Variants in PCDH11Y observed in about 807,000 individuals in gnomAD.
PCDH11Y encodes protocadherin 11 Y-linked.
For synonymous variants in PCDH11Y, 9 were observed against 83.6 expected (o/e 0.11, Z 4.87); for missense variants, 12 against 224.8 (o/e 0.05, Z 6.05).
At chrY:5,155,004 G>A in intron 2 of PCDH11Y, among the ~76,000 whole-genome samples, 2 of 32,770 alleles carry the variant, frequency 6.1e-5, no homozygotes, top group African/African-American at 2.4e-4. Context: ...CAAAGGATAT[G>A]TGGACACTGA....
At chrY:5,017,034 C>G in intron 1 of PCDH11Y, among the ~76,000 whole-genome samples, 1 of 33,289 alleles carries the variant, frequency 3.0e-5, no homozygotes, top group Non-Finnish European at 7.5e-5. Flanking sequence ...AGCAAACATA[C>G]CTTTAAAGGT....
chrY:5,151,118 G>T, intron 2 of PCDH11Y, among the ~76,000 whole-genome samples: 2 of 33,784 alleles, frequency 5.9e-5, no homozygotes, highest in Non-Finnish European at 1.5e-4. Context: ...GAGCTTTCAT[G>T]TCCAAATCTT....
At chrY:5,446,463 A>T in intron 2 of PCDH11Y, among the ~76,000 whole-genome samples, 2 of 34,046 alleles carry the variant, frequency 5.9e-5, no homozygotes, top group African/African-American at 2.3e-4. Context: ...GGGCAGCTAC[A>T]TTTGTAACAA....
At chrY:5,331,148 G>C in intron 2 of PCDH11Y, among the ~76,000 whole-genome samples, 1 of 33,081 alleles carries the variant, frequency 3.0e-5, no homozygotes, top group Non-Finnish European at 7.5e-5. Flanking sequence ...ACTTCCTACT[G>C]GGAAAAATTT....
chrY:5,571,626 A>G (rs2053439372), intron 3 of PCDH11Y, among the ~76,000 whole-genome samples: 1 of 22,289 alleles, frequency 4.5e-5, no homozygotes, highest in Non-Finnish European at 1.0e-4. Context: ...ACATACAGAA[A>G]GAGAAAATAT....
intron 2 of PCDH11Y, among the ~76,000 whole-genome samples, chrY:5,334,696 A>C: frequency 3.0e-5 from 1 of 33,567 alleles, no homozygotes; most frequent in Non-Finnish European, 7.4e-5. Flanking sequence ...TAGAAGGTCT[A>C]TGAAAGTTCC....
At chrY:5,472,156 C>A (rs2053314518) in intron 2 of PCDH11Y, among the ~76,000 whole-genome samples, 1 of 32,253 alleles carries the variant, frequency 3.1e-5, no homozygotes, top group Non-Finnish European at 7.7e-5. Context: ...TAGATATCAT[C>A]AAAAAGTGCT....
downstream of PCDH11Y, among the ~76,000 whole-genome samples, chrY:5,106,565 A>G: frequency 3.4e-5 from 1 of 29,638 alleles, no homozygotes; most frequent in African/African-American, 1.3e-4. Flanking sequence ...TTGTTTAAAC[A>G]TTACTTAGTT....
At chrY:5,183,843 T>C in intron 2 of PCDH11Y, among the ~76,000 whole-genome samples, 1 of 27,002 alleles carries the variant, frequency 3.7e-5, no homozygotes, top group Admixed American at 3.4e-4. Flanking sequence ...ACAAAATTGT[T>C]TATAATAAAG....
At chrY:5,494,155 C>T in intron 2 of PCDH11Y, among the ~76,000 whole-genome samples, 15 of 33,334 alleles carry the variant, frequency 4.5e-4, no homozygotes, top group Admixed American at 1.1e-3. Context: ...TTCATTGAAA[C>T]CATTGTCTAT....
intron 3 of PCDH11Y, among the ~76,000 whole-genome samples, chrY:5,039,140 G>C: frequency 6.2e-5 from 2 of 32,505 alleles, no homozygotes; most frequent in African/African-American, 2.4e-4. Flanking sequence ...CACAGCAAGA[G>C]GTACTATATT....
At chrY:5,029,800 G>A in intron 1 of PCDH11Y, among the ~76,000 whole-genome samples, 1 of 28,992 alleles carries the variant, frequency 3.4e-5, no homozygotes, top group Non-Finnish European at 8.0e-5. Context: ...ACGGGTGCCT[G>A]TAATCCAAGC....
chrY:5,080,535 C>T, intron 1 of PCDH11Y, among the ~76,000 whole-genome samples: 4 of 32,621 alleles, frequency 1.2e-4, no homozygotes, highest in Admixed American at 1.1e-3. Context: ...TGGCCGGAAT[C>T]TGTATTTTGT....
chrY:5,320,968 T>C (rs2053112029), intron 2 of PCDH11Y, among the ~76,000 whole-genome samples: 1 of 32,886 alleles, frequency 3.0e-5, no homozygotes, highest in African/African-American at 1.2e-4. Flanking sequence ...AGTTTATATA[T>C]AGTTTAGGGG....
chrY:5,034,620 C>T, intron 3 of PCDH11Y, among the ~76,000 whole-genome samples: 8 of 32,669 alleles, frequency 2.4e-4, no homozygotes, highest in African/African-American at 9.6e-4. Context: ...GAAAAATAGA[C>T]GAGTAATGGA....
chrY:5,254,229 T>C, intron 2 of PCDH11Y, among the ~76,000 whole-genome samples: 4 of 33,684 alleles, frequency 1.2e-4, no homozygotes, highest in Non-Finnish European at 2.9e-4. Context: ...TTAGGAAACT[T>C]TTTGCAAAGA....
chrY:5,373,715 TG>T (rs2053194038), intron 2 of PCDH11Y, among the ~76,000 whole-genome samples: 1 of 27,799 alleles, frequency 3.6e-5, no homozygotes, highest in Non-Finnish European at 8.2e-5. Flanking sequence ...TGTACTTATA[TG>T]TTTATATATA....
In PCDH11Y at chrY:5,331,982, C is replaced by T. The variant is rs72617652; in HGVS notation, c.3130-169075C>T. 0.03 allele frequency among the ~76,000 whole-genome samples: 1,027 copies of T among 34,016 alleles called. No individual in the cohort carries two copies. The East Asian group carries it at 0.78, about 26-fold the overall frequency. The allele number at this position is 34,016 out of a possible 37,273, so 91.3% of individuals were successfully genotyped here. A position where few individuals can be genotyped will look rare whatever the true frequency, so the allele number is the denominator to read the frequency against. On this transcript the variant is annotated intron_variant, in intron 2 of 4. Coordinates refer to the PCDH11Y transcript ENST00000400457. The stretch of plus-strand genomic sequence containing the variant: ...TTGTCTAAATCACCAAGAGGCTGGG[C>T]GCGGTGGCTCACGCCTGTAATCCCA...
intron 2 of PCDH11Y, among the ~76,000 whole-genome samples, chrY:5,120,650 A>G (rs2052816824): frequency 3.0e-5 from 1 of 32,984 alleles, no homozygotes; most frequent in African/African-American, 1.2e-4. Context: ...AATGATAGTG[A>G]AAATTATTGA....
Sources: gnomAD v4.1 joint callset for allele counts (sites outside exome capture counted in the v4.1 genomes callset) on GRCh38, gnomAD v4.1.1 for gene constraint, MANE v1.5 for transcripts, NCBI Gene and HGNC (gene_info 2026-07-23, HGNC 2026-07-21) for gene names.